Variants in TRABD2B observed in about 807,000 individuals in gnomAD.
TRABD2B encodes TraB domain containing 2B, also known as metalloprotease TIKI2.
In TRABD2B, 14 loss-of-function variants were observed where a neutral mutation model predicts 40.1. The observed-to-expected ratio is 0.35, with a 90% CI of 0.23 to 0.55. The LOEUF is 0.55. Ranked by LOEUF, TRABD2B falls within the 20% of genes least tolerant of loss-of-function variation. The pLI, the probability that TRABD2B is intolerant of heterozygous loss-of-function variation, is 0.90. For synonymous variants in TRABD2B, 263 were observed against 277.0 expected (o/e 0.95, Z 0.50); for missense variants, 541 against 648.6 (o/e 0.83, Z 1.80).
chr1:47,816,720 G>C (rs1645037067), intron 2 of TRABD2B, among the ~76,000 whole-genome samples: 2 of 152,092 alleles, frequency 1.3e-5, no homozygotes, highest in East Asian at 1.9e-4. Context: ...TACTTATAAT[G>C]GTTTGTCTTT....
chr1:47,819,825 A>G (rs1355859177), intron 2 of TRABD2B: 1 of 152,186 alleles, frequency 6.6e-6, no homozygotes, highest in Non-Finnish European at 1.5e-5. Context: ...CAAGAGTGGA[A>G]TCCGATACAG....
intron 2 of TRABD2B, among the ~76,000 whole-genome samples, chr1:47,993,667 G>T (rs1458382084): frequency 3.3e-5 from 5 of 152,062 alleles, no homozygotes; most frequent in Non-Finnish European, 7.4e-5. Context: ...CAGCCTCCAG[G>T]GCCTCAGGAA....
chr1:47,943,760 AC>A (rs1209517609), intron 2 of TRABD2B, among the ~76,000 whole-genome samples: 1 of 9,098 alleles, frequency 1.1e-4, no homozygotes, highest in Admixed American at 7.8e-4. Context: ...TCCAGAAAAC[AC>A]ACACACACAC....
intron 2 of TRABD2B, among the ~76,000 whole-genome samples, chr1:47,912,727 G>A (rs1644779732): frequency 6.6e-6 from 1 of 152,170 alleles, no homozygotes; most frequent in Non-Finnish European, 1.5e-5. Flanking sequence ...ACCTCAGGTT[G>A]GGGGTCCTCC....
At chr1:47,952,851 G>A (rs1362117129) in intron 2 of TRABD2B, among the ~76,000 whole-genome samples, 3 of 152,130 alleles carry the variant, frequency 2.0e-5, no homozygotes, top group South Asian at 2.1e-4. Context: ...GGAGGACACC[G>A]AGGCCTCCCC....
At chr1:47,846,994 G>A (rs1645481321) in intron 2 of TRABD2B, among the ~76,000 whole-genome samples, 1 of 152,216 alleles carries the variant, frequency 6.6e-6, no homozygotes, top group South Asian at 2.1e-4. Context: ...GATGGAGAGG[G>A]GTAGATTTAT....
At chr1:47,832,737 G>C (rs1172530404) in intron 2 of TRABD2B, among the ~76,000 whole-genome samples, 2 of 152,262 alleles carry the variant, frequency 1.3e-5, no homozygotes, top group South Asian at 2.1e-4. Context: ...AGAAGAATCT[G>C]GTAGTTTCTT....
At chr1:47,847,259 ACTTAT>A (rs1268553237) in intron 2 of TRABD2B, among the ~76,000 whole-genome samples, 1 of 152,028 alleles carries the variant, frequency 6.6e-6, no homozygotes, top group Non-Finnish European at 1.5e-5. Flanking sequence ...GGTAAAATGG[ACTTAT>A]CTTCCATGGT....
At chr1:47,952,989 C>A (rs931880623) in intron 2 of TRABD2B, among the ~76,000 whole-genome samples, 9 of 152,192 alleles carry the variant, frequency 5.9e-5, no homozygotes, top group African/African-American at 2.2e-4. Flanking sequence ...AGGGACTCTG[C>A]CTGGCTGGCA....
At chr1:47,793,491 A>G (rs1458256484) in intron 4 of TRABD2B, among the ~76,000 whole-genome samples, 2 of 152,228 alleles carry the variant, frequency 1.3e-5, no homozygotes, top group African/African-American at 4.8e-5. Context: ...CAGGACATCC[A>G]CAAGGGCCCT....
At chr1:47,870,538 T>A (rs564849655) in intron 2 of TRABD2B, among the ~76,000 whole-genome samples, 2 of 152,334 alleles carry the variant, frequency 1.3e-5, no homozygotes, top group East Asian at 1.9e-4. Context: ...CTTGTCACCA[T>A]GCATCAGGAT....
intron 2 of TRABD2B, among the ~76,000 whole-genome samples, chr1:47,841,958 G>C (rs1226388790): frequency 1.3e-5 from 2 of 151,718 alleles, no homozygotes; most frequent in Non-Finnish European, 2.9e-5. Context: ...ATTTTTAGTA[G>C]AGATGGGGTT....
chr1:47,840,503 T>C (rs557785678), intron 2 of TRABD2B, among the ~76,000 whole-genome samples: 1 of 152,308 alleles, frequency 6.6e-6, no homozygotes, highest in African/African-American at 2.4e-5. Context: ...CCCTCCCTGG[T>C]CCACAGCATT....
chr1:47,863,849 T>A (rs1644014837), intron 2 of TRABD2B, among the ~76,000 whole-genome samples: 1 of 152,198 alleles, frequency 6.6e-6, no homozygotes, highest in Non-Finnish European at 1.5e-5. Flanking sequence ...GCAACCATGA[T>A]GTCCGTCAGT....
At chr1:47,776,087 A>G (rs1644443479) in intron 5 of TRABD2B, among the ~76,000 whole-genome samples, 3 of 152,092 alleles carry the variant, frequency 2.0e-5, no homozygotes, top group Non-Finnish European at 4.4e-5. Flanking sequence ...CATCAGGATT[A>G]TGAAGGTGAA....
intron 2 of TRABD2B, among the ~76,000 whole-genome samples, chr1:47,845,914 A>G (rs1170609873): frequency 6.6e-6 from 1 of 152,226 alleles, no homozygotes; most frequent in Non-Finnish European, 1.5e-5. Context: ...AGTGCTTAGT[A>G]AATGCTTGCT....
chr1:47,959,638 T>C (rs1453785812), intron 2 of TRABD2B, among the ~76,000 whole-genome samples: 1 of 152,160 alleles, frequency 6.6e-6, no homozygotes, highest in Non-Finnish European at 1.5e-5. Context: ...CCTGGACACA[T>C]ACACCCTCCC....
intron 4 of TRABD2B, 124 bp downstream of exon 4, chr1:47,794,462 C>T: frequency 9.1e-7 from 1 of 1,100,340 alleles, no homozygotes; most frequent in Non-Finnish European, 1.2e-6. Flanking sequence ...CTGCTAAGCA[C>T]TGTGTGGCTT....
At chr1:47,888,858 C>A (rs759475741) in intron 2 of TRABD2B, among the ~76,000 whole-genome samples, 2 of 152,124 alleles carry the variant, frequency 1.3e-5, no homozygotes, top group Non-Finnish European at 1.5e-5. Context: ...TTTCCCTGGC[C>A]CACTGGGAAT....
Sources: gnomAD v4.1 joint callset for allele counts (sites outside exome capture counted in the v4.1 genomes callset) on GRCh38, gnomAD v4.1.1 for gene constraint, MANE v1.5 for transcripts, NCBI Gene and HGNC (gene_info 2026-07-23, HGNC 2026-07-21) for gene names.